RANBP17: variants seen among roughly 807,000 people sequenced by gnomAD.
The protein encoded by RANBP17 is ran-binding protein 17.
A neutral mutation model predicts 141.2 loss-of-function variants in RANBP17; 158 were observed. The ratio of observed to expected loss-of-function variants is 1.12; its 90% confidence interval spans 0.98 to 1.28. RANBP17 has a LOEUF of 1.28. RANBP17 is among the 50% of genes most tolerant of loss of function. The pLI is 0.00. For missense variants in RANBP17, 1,438 were observed against 1,290.7 expected (o/e 1.11, Z -1.75); for synonymous variants, 430 against 450.0 (o/e 0.96, Z 0.56).
intron 1 of RANBP17, among the ~76,000 whole-genome samples, chr5:170,872,231 A>T (rs1426440893): frequency 2.0e-5 from 3 of 152,130 alleles, no homozygotes; most frequent in Non-Finnish European, 4.4e-5. Flanking sequence ...GAAGTCCCTC[A>T]CATCCCTTGC....
intron 14 of RANBP17, among the ~76,000 whole-genome samples, chr5:171,014,447 C>A (rs1334912523): frequency 6.6e-6 from 1 of 151,918 alleles, no homozygotes; most frequent in Non-Finnish European, 1.5e-5. Flanking sequence ...AACTTACTAG[C>A]TATAACTATT....
intron 14 of RANBP17, among the ~76,000 whole-genome samples, chr5:170,972,559 T>C (rs555787557): frequency 6.6e-6 from 1 of 152,298 alleles, no homozygotes; most frequent in African/African-American, 2.4e-5. Flanking sequence ...TTTTAATTAT[T>C]GAGTGGTATT....
chr5:170,920,151 T>G (rs1772314514), intron 11 of RANBP17, among the ~76,000 whole-genome samples: 1 of 152,132 alleles, frequency 6.6e-6, no homozygotes, highest in Non-Finnish European at 1.5e-5. Context: ...AAACATAAGT[T>G]TTTGTTTCTC....
chr5:170,938,279 G>T (rs10063006), intron 12 of RANBP17, among the ~76,000 whole-genome samples: 91,280 of 152,012 alleles, frequency 0.6, 29,159 homozygotes, highest in South Asian at 0.88. Flanking sequence ...GTATAAAATG[G>T]TTTTAAATTG....
intron 18 of RANBP17, among the ~76,000 whole-genome samples, chr5:171,185,773 A>G (rs1214260313): frequency 1.3e-5 from 2 of 152,180 alleles, no homozygotes; most frequent in African/African-American, 4.8e-5. Flanking sequence ...ACTTCTTCCA[A>G]ATTCCTGTTA....
At chr5:171,128,014 CAGTTGTGGTGGCGGGCACCTGT>C (rs1236458851) in intron 14 of RANBP17, among the ~76,000 whole-genome samples, 2 of 152,006 alleles carry the variant, frequency 1.3e-5, no homozygotes, top group Non-Finnish European at 2.9e-5. Flanking sequence ...AAAAATTAGC[CAGTTGTGGTGGCGGGCACCTGT>C]AGTCCCAGCT....
At chr5:171,290,748 A>G (rs1354824432) in intron 25 of RANBP17, among the ~76,000 whole-genome samples, 1 of 152,212 alleles carries the variant, frequency 6.6e-6, no homozygotes, top group South Asian at 2.1e-4. Context: ...TGAAGAGACT[A>G]TAATCTCATT....
chr5:170,933,852 A>G (rs558141578), intron 12 of RANBP17, among the ~76,000 whole-genome samples: 111 of 152,208 alleles, frequency 7.3e-4, no homozygotes, highest in Non-Finnish European at 1.1e-3. Flanking sequence ...TCAATTTTGG[A>G]ATAAGTGCGA....
intron 13 of RANBP17, among the ~76,000 whole-genome samples, chr5:170,963,264 C>A (rs1581251117): frequency 6.6e-6 from 1 of 152,092 alleles, no homozygotes; most frequent in East Asian, 1.9e-4. Flanking sequence ...TTTGAAGCAA[C>A]TGGGTAGGCA....
chr5:171,042,975 AG>A (rs955168324), intron 14 of RANBP17, among the ~76,000 whole-genome samples: 1 of 152,224 alleles, frequency 6.6e-6, no homozygotes, highest in Non-Finnish European at 1.5e-5. Flanking sequence ...TGGGCACAAA[AG>A]TGGATGAATA....
chr5:170,883,016 C>CT (rs961017893), intron 3 of RANBP17, among the ~76,000 whole-genome samples: 1 of 152,094 alleles, frequency 6.6e-6, no homozygotes, highest in African/African-American at 2.4e-5. Flanking sequence ...TGTGATGGAT[C>CT]TTTAAGTTTA....
At chr5:171,145,084 T>G (rs1206404939) in intron 14 of RANBP17, among the ~76,000 whole-genome samples, 1 of 152,222 alleles carries the variant, frequency 6.6e-6, no homozygotes, top group East Asian at 1.9e-4. Context: ...AAAAAGTGCT[T>G]TAGCATATAC....
intron 14 of RANBP17, among the ~76,000 whole-genome samples, chr5:171,125,746 T>G (rs1410644978): frequency 2.0e-5 from 3 of 152,072 alleles, no homozygotes; most frequent in African/African-American, 7.2e-5. Flanking sequence ...TGGAACACTC[T>G]CCCAGGATTG....
rs1235459689 is a variant in RANBP17, at chr5:171,299,156, G to A, written c.*298G>A. 8 of 305,808 alleles carry A rather than the reference G, an allele frequency of 2.6e-5. No individual in the cohort carries two copies. The highest frequency in any genetic ancestry group is 7.6e-5 in the South Asian group (1 of 13,194). The allele number at this position is 305,808 out of a possible 1,614,324, so 18.9% of individuals were successfully genotyped here. ...TAGAAACAATATTTAACCAAAGAACGTAATAAACCAGGTTTGCACCTAAGT... is the reference window on the plus strand; with the variant it reads ...TAGAAACAATATTTAACCAAAGAACATAATAAACCAGGTTTGCACCTAAGT... On this transcript the variant is annotated 3_prime_UTR_variant, in exon 28 of 28. Transcript: ENST00000523189.
In RANBP17 at chr5:171,298,871, G is replaced by T; in HGVS notation, c.*13G>T. On this transcript the variant is annotated 3_prime_UTR_variant, in exon 28 of 28. Transcript: ENST00000523189. The stretch of plus-strand genomic sequence containing the variant: ...CATGATGAGCTGACCCGACTTTTCT[G>T]ACCATGTGCGGAGCAGCCTTTATCA... The T allele has an allele frequency of 6.2e-7, 1 of 1,608,366 alleles. No homozygotes were observed. Among genetic ancestry groups the T allele is most frequent in the South Asian group, 1.1e-5 (1 of 90,880 alleles).
intron 14 of RANBP17, among the ~76,000 whole-genome samples, chr5:170,997,059 C>T (rs1052077664): frequency 1.2e-4 from 18 of 152,150 alleles, no homozygotes; most frequent in African/African-American, 3.9e-4. Context: ...AGTTTCCCCC[C>T]ATGCTGTTCT....
chr5:170,906,256 T>G (rs897301733), intron 5 of RANBP17, among the ~76,000 whole-genome samples: 1 of 152,160 alleles, frequency 6.6e-6, no homozygotes, highest in South Asian at 2.1e-4. Flanking sequence ...TTAGTTCTTA[T>G]GTTTTATTAG....
At chr5:171,087,649 C>T (rs1483438872) in intron 14 of RANBP17, among the ~76,000 whole-genome samples, 26 of 151,128 alleles carry the variant, frequency 1.7e-4, no homozygotes, top group African/African-American at 4.4e-4. Context: ...TGGGTGCTCC[C>T]GTATTGGGTG....
intron 25 of RANBP17, chr5:171,271,545 G>A (rs954121681): frequency 3.3e-5 from 7 of 209,720 alleles, no homozygotes; most frequent in African/African-American, 4.5e-5. Context: ...CTCTTAAAAA[G>A]AATAGTCAGA....
Sources: gnomAD v4.1 joint callset for allele counts (sites outside exome capture counted in the v4.1 genomes callset) on GRCh38, gnomAD v4.1.1 for gene constraint, MANE v1.5 for transcripts, NCBI Gene and HGNC (gene_info 2026-07-23, HGNC 2026-07-21) for gene names.